The following APBB1IP variants were observed in gnomAD, a reference collection of about 807,000 sequenced individuals.
The protein encoded by APBB1IP is amyloid beta A4 precursor protein-binding family B member 1-interacting protein.
In APBB1IP, 27 loss-of-function variants were observed where a neutral mutation model predicts 64.9. That is an observed-to-expected ratio of 0.42 (90% CI 0.31 to 0.57). The LOEUF (loss-of-function observed/expected upper bound fraction) is 0.57, where lower values mean the gene tolerates loss of function less well. Ranked by LOEUF, APBB1IP falls within the 20% of genes least tolerant of loss-of-function variation. APBB1IP has a pLI of 0.20. For missense variants in APBB1IP, 812 were observed against 845.5 expected (o/e 0.96, Z 0.49); for synonymous variants, 392 against 331.0 (o/e 1.18, Z -2.00).
At chr10:26,535,919 G>A (rs1312164769) in intron 9 of APBB1IP, among the ~76,000 whole-genome samples, 155 bp from the exon 10 acceptor site, 1 of 152,122 alleles carries the variant, frequency 6.6e-6, no homozygotes, top group East Asian at 1.9e-4. Context: ...CTCTCTTCTG[G>A]CAAATAGCAT....
In APBB1IP at chr10:26,562,444, C is replaced by G. The variant is rs780546353; in HGVS notation, c.1473+15C>G. 1.9e-6 allele frequency: 3 copies of G among 1,597,962 alleles called. No homozygotes were observed. The East Asian group carries it at 6.7e-5, about 36-fold the overall frequency. ...AAACATCGAAGGTAAAACCAGCAAG[C>G]AGCTGACCCCTATAAGCCATGTTCT... On this transcript the variant is annotated intron_variant, in intron 14 of 14. Coordinates refer to ENST00000376236, the MANE Select transcript of APBB1IP (RefSeq NM_019043.4).
chr10:26,445,246 T>C (rs946175468), intron 2 of APBB1IP, among the ~76,000 whole-genome samples: 1 of 152,048 alleles, frequency 6.6e-6, no homozygotes, highest in Non-Finnish European at 1.5e-5. Context: ...AATTAAACTT[T>C]CAAAACTTTG....
chr10:26,492,230 A>G (rs1019738895), intron 2 of APBB1IP, 97 bp from the exon 3 acceptor site: 3 of 1,108,674 alleles, frequency 2.7e-6, no homozygotes, highest in Admixed American at 2.0e-5. Context: ...TTAGCTGCCC[A>G]TGGATGGGGC....
Position 26,461,621 on chromosome 10 carries a change from G to A in APBB1IP, c.-1+22768G>A, listed in dbSNP as rs537859030. Among the ~76,000 whole-genome samples the A allele has an allele frequency of 1.8e-4, 27 of 151,886 alleles. No homozygotes were observed. In the South Asian group the frequency reaches 1.9e-3, roughly 11 times the overall value. ...TTTCTTTTTTATAAATCCATTTGGGGATCTAATTGAAGTTGCAAAAAGTTT... is the reference window on the plus strand; with the variant it reads ...TTTCTTTTTTATAAATCCATTTGGGAATCTAATTGAAGTTGCAAAAAGTTT... On this transcript the variant is annotated intron_variant, in intron 2 of 14. Transcript: ENST00000376236.
chr10:26,535,641 T>A (rs75448692), intron 9 of APBB1IP, among the ~76,000 whole-genome samples: 2,652 of 152,332 alleles, frequency 0.017, 61 homozygotes, highest in African/African-American at 0.06. Flanking sequence ...TTACCAGCAA[T>A]GAAATGGTAA....
intron 2 of APBB1IP, among the ~76,000 whole-genome samples, chr10:26,491,310 A>C (rs1186072902): frequency 6.6e-6 from 1 of 152,082 alleles, no homozygotes. Context: ...AAAGAAAAGA[A>C]AGAGAGAAAT....
At chr10:26,533,624 A>G (rs1383531075) in intron 9 of APBB1IP, 99 bp downstream of exon 9, 5 of 660,432 alleles carry the variant, frequency 7.6e-6, no homozygotes, top group Admixed American at 4.0e-5. Context: ...AAAGACATAC[A>G]CTGAAATTTT....
At chr10:26,558,334 C>T (rs1249835451) in intron 11 of APBB1IP, among the ~76,000 whole-genome samples, 1 of 152,110 alleles carries the variant, frequency 6.6e-6, no homozygotes, top group Admixed American at 6.6e-5. Flanking sequence ...AAATATTGTG[C>T]TTGTTTCTTG....
chr10:26,528,149 A>G (rs1200565682), intron 8 of APBB1IP, among the ~76,000 whole-genome samples: 1 of 152,202 alleles, frequency 6.6e-6, no homozygotes, highest in Non-Finnish European at 1.5e-5. Flanking sequence ...TCTTTTGGTC[A>G]AAGCAAGTCA....
intron 11 of APBB1IP, among the ~76,000 whole-genome samples, chr10:26,544,207 G>T (rs1046619336): frequency 3.9e-5 from 6 of 152,150 alleles, no homozygotes; most frequent in African/African-American, 1.4e-4. Context: ...CCCATGTCTG[G>T]AATCCTAAGA....
intron 8 of APBB1IP, among the ~76,000 whole-genome samples, chr10:26,528,998 G>A (rs763912638): frequency 5.3e-5 from 8 of 152,160 alleles, no homozygotes; most frequent in Admixed American, 2.6e-4. Flanking sequence ...ATTTCTTCAC[G>A]AACTGATAAC....
At chr10:26,491,763 T>TTC (rs1554775104) in intron 2 of APBB1IP, among the ~76,000 whole-genome samples, 1 of 147,932 alleles carries the variant, frequency 6.8e-6, no homozygotes, top group African/African-American at 2.5e-5. Flanking sequence ...TGTAAGGTTT[T>TTC]TTTTTTTTTT....
chr10:26,498,292 T>A (rs1836053856), intron 4 of APBB1IP, among the ~76,000 whole-genome samples: 1 of 152,016 alleles, frequency 6.6e-6, no homozygotes, highest in African/African-American at 2.4e-5. Context: ...GTGGATCACT[T>A]GAGGTCAGAA....
intron 14 of APBB1IP, among the ~76,000 whole-genome samples, chr10:26,563,619 T>C (rs532550884): frequency 6.6e-6 from 1 of 152,340 alleles, no homozygotes; most frequent in East Asian, 1.9e-4. Context: ...GTATATATTC[T>C]GTTGAATATT....
At chr10:26,492,040 G>T (rs1048826157) in intron 2 of APBB1IP, among the ~76,000 whole-genome samples, 3 of 152,160 alleles carry the variant, frequency 2.0e-5, no homozygotes, top group Non-Finnish European at 4.4e-5. Flanking sequence ...GGGATTACAG[G>T]CGTGATCCAG....
intron 10 of APBB1IP, among the ~76,000 whole-genome samples, chr10:26,537,249 C>CA (rs543874239): frequency 1.7e-3 from 255 of 152,178 alleles, no homozygotes; most frequent in African/African-American, 5.8e-3. Context: ...TGCAGGGCAC[C>CA]ACCAATGGTA....
At chr10:26,498,860 C>G (rs1041225474) in intron 4 of APBB1IP, among the ~76,000 whole-genome samples, 1 of 152,160 alleles carries the variant, frequency 6.6e-6, no homozygotes, top group African/African-American at 2.4e-5. Flanking sequence ...CAGGACAAGA[C>G]ATTTAAAAAC....
chr10:26,565,321 G>T (rs549133114), intron 14 of APBB1IP, among the ~76,000 whole-genome samples: 10 of 152,272 alleles, frequency 6.6e-5, no homozygotes, highest in Admixed American at 3.3e-4. Flanking sequence ...CTCAGACCAA[G>T]AAAAAATGTA....
At chr10:26,535,241 A>G (rs1324778072) in intron 9 of APBB1IP, among the ~76,000 whole-genome samples, 1 of 152,152 alleles carries the variant, frequency 6.6e-6, no homozygotes, top group Non-Finnish European at 1.5e-5. Flanking sequence ...TGTATTTATA[A>G]CTGCCTTCTT....
Sources: allele counts gnomAD v4.1 joint callset (sites outside exome capture counted in the v4.1 genomes callset), GRCh38; gene constraint gnomAD v4.1.1; transcripts MANE v1.5; gene names NCBI Gene and HGNC (gene_info 2026-07-23, HGNC 2026-07-21).